The following PCDHA9 variants were observed in gnomAD, a reference collection of about 807,000 sequenced individuals.
The protein encoded by PCDHA9 is protocadherin alpha-9.
A neutral mutation model predicts 62.0 loss-of-function variants in PCDHA9; 62 were observed. The ratio of observed to expected loss-of-function variants is 1.00; its 90% CI spans 0.81 to 1.23. The LOEUF (loss-of-function observed/expected upper bound fraction) is 1.23, where lower values mean the gene tolerates loss of function less well. PCDHA9 is among the 50% of genes most tolerant of loss of function. The pLI is 0.00. For missense variants in PCDHA9, 1,205 were observed against 1,249.8 expected, an observed-to-expected ratio of 0.96 and a Z score of 0.54; for synonymous variants, 557 against 567.6, an observed-to-expected ratio of 0.98 and a Z score of 0.27.
At chr5:140,884,410 G>A (rs1562804321) in intron 1 of PCDHA9, 1 of 1,614,004 alleles carries the variant, frequency 6.2e-7, no homozygotes, top group Non-Finnish European at 8.5e-7. Context: ...TGGTGCTCAC[G>A]TTGCTGCTGT....
In PCDHA9 at chr5:140,904,839, ATCT is replaced by A. The variant is rs1480252178; in HGVS notation, c.2394+53957_2394+53959del. 4.1e-4 allele frequency among the ~76,000 whole-genome samples: 62 copies of A among 152,040 alleles called. No individual in the cohort carries two copies. The East Asian group carries it at 6.4e-3, about 16-fold the overall frequency. Reference sequence around the variant, plus strand: ...TTGAGCATTTTTTTATATGTTTCATATCTTCTTCTGAGAATTGTCTGTTTATGT... The same window carrying A: ...TTGAGCATTTTTTTATATGTTTCATATCTTCTGAGAATTGTCTGTTTATGT... On this transcript the variant is annotated intron_variant, in intron 1 of 3. Coordinates refer to ENST00000532602, the MANE Select transcript of PCDHA9 (RefSeq NM_031857.2).
intron 1 of PCDHA9, among the ~76,000 whole-genome samples, chr5:140,899,684 G>T (rs1554188704): frequency 6.6e-6 from 1 of 152,154 alleles, no homozygotes; most frequent in African/African-American, 2.4e-5. Context: ...TCAGGATGAT[G>T]CTGGCCTCAT....
chr5:140,896,687 T>G (rs782089227), intron 1 of PCDHA9, among the ~76,000 whole-genome samples: 2 of 152,170 alleles, frequency 1.3e-5, no homozygotes, highest in Non-Finnish European at 2.9e-5. Context: ...CTTTGCCCAT[T>G]TTTTGATGAG....
chr5:140,897,613 A>C (rs1252972033), intron 1 of PCDHA9, among the ~76,000 whole-genome samples: 2 of 152,052 alleles, frequency 1.3e-5, no homozygotes, highest in Non-Finnish European at 2.9e-5. Flanking sequence ...GTTGGTTCCA[A>C]GTCTTTACTA....
chr5:140,881,179 C>A (rs550594918), intron 1 of PCDHA9, among the ~76,000 whole-genome samples: 4 of 152,240 alleles, frequency 2.6e-5, no homozygotes, highest in African/African-American at 7.2e-5. Flanking sequence ...CTTTTCCTTG[C>A]TAAAGATATG....
rs1554178015 is a variant in PCDHA9 at position 140,883,392 on chromosome 5, C to A, written c.2394+32503C>A. 1.9e-6 allele frequency: 3 copies of A among 1,614,184 alleles called. No individual in the cohort carries two copies. The East Asian group carries it at 6.7e-5, about 36-fold the overall frequency. ...GCCATTATTGCCCTAATCAGTGTGT[C>A]CGATCGTGACTCTGGCTCAAATGGA... is the stretch of plus-strand genomic sequence containing the variant. On this transcript the variant is annotated intron_variant, in intron 1 of 3. Transcript: ENST00000532602.
At chr5:140,882,113 G>C in intron 1 of PCDHA9, 1 of 1,394,318 alleles carries the variant, frequency 7.2e-7, no homozygotes, top group South Asian at 1.5e-5. Context: ...GAAGAAAGCC[G>C]CCGTTTCTTT....
rs782120132 is a variant in PCDHA9, at chr5:140,884,464, C to T, written c.2394+33575C>T. On this transcript the variant is annotated intron_variant, in intron 1 of 3. Coordinates refer to ENST00000532602, the MANE Select transcript of PCDHA9 (RefSeq NM_031857.2). ...CGGCACCGCCCACCGAGGGCGCGTG[C>T]GCGCCGGGCAAGCCCACTCTAGTGT... 51 of 1,613,768 alleles carry T rather than the reference C, an allele frequency of 3.2e-5. 1 individual carries two copies. In the East Asian group the frequency reaches 9.6e-4, roughly 30 times the overall value.
intron 1 of PCDHA9, among the ~76,000 whole-genome samples, chr5:140,908,850 C>T (rs1234928966): frequency 6.6e-6 from 1 of 152,160 alleles, no homozygotes; most frequent in Non-Finnish European, 1.5e-5. Flanking sequence ...GTAACATACC[C>T]AAATGAGGAA....
intron 1 of PCDHA9, chr5:140,969,509 C>A: frequency 7.1e-7 from 1 of 1,416,136 alleles, no homozygotes; most frequent in Non-Finnish European, 9.4e-7. Context: ...AAAAATAGCA[C>A]TAAAGAATTG....
chr5:140,997,133 C>A (rs1554255761), intron 3 of PCDHA9, among the ~76,000 whole-genome samples: 3 of 152,090 alleles, frequency 2.0e-5, no homozygotes, highest in Non-Finnish European at 4.4e-5. Flanking sequence ...ACAATGCCCC[C>A]ACACCCCCGC....
intron 1 of PCDHA9, among the ~76,000 whole-genome samples, chr5:140,892,427 C>T (rs1429226685): frequency 6.6e-6 from 1 of 152,170 alleles, no homozygotes; most frequent in Admixed American, 6.5e-5. Flanking sequence ...GATAAAACCT[C>T]ATTATCTAAA....
chr5:140,863,464 C>A, intron 1 of PCDHA9: 1 of 512,348 alleles, frequency 2.0e-6, no homozygotes, highest in South Asian at 1.5e-5. Context: ...AGATTTTACT[C>A]TGGAGAGTCG....
Position 140,853,770 on chromosome 5 carries a change from A to G in PCDHA9, c.2394+2881A>G. 3 of 988,146 alleles carry G rather than the reference A, an allele frequency of 3.0e-6. No homozygotes were observed. In the South Asian group the frequency reaches 1.4e-4, roughly 47 times the overall value. 61.2% of individuals were successfully genotyped at this position (988,146 alleles called of 1,614,324 possible). On this transcript the variant is annotated intron_variant, in intron 1 of 3. Coordinates refer to ENST00000532602, the MANE Select transcript of PCDHA9 (RefSeq NM_031857.2). ...CAAGGCTCCACCTCAGAAATTCTGA[A>G]ATGGGTAGTAAGAGCAAATTTTCAT...
intron 1 of PCDHA9, chr5:140,867,501 C>G (rs2049995274): frequency 6.6e-6 from 1 of 151,954 alleles, no homozygotes. Context: ...AAAAGTAGAA[C>G]AAAATCTCAA....
intron 1 of PCDHA9, among the ~76,000 whole-genome samples, chr5:140,936,049 C>A (rs1185871662): frequency 1.3e-5 from 2 of 151,974 alleles, no homozygotes; most frequent in African/African-American, 2.4e-5. Context: ...CCCACCACCA[C>A]ACCCGGCTAA....
At chr5:140,990,284 T>C (rs2097384646) in intron 3 of PCDHA9, among the ~76,000 whole-genome samples, 1 of 152,142 alleles carries the variant, frequency 6.6e-6, no homozygotes, top group African/African-American at 2.4e-5. Flanking sequence ...GGTCTTGAGA[T>C]TATCGATGCC....
At chr5:140,988,348 A>T (rs2097293800) in intron 3 of PCDHA9, among the ~76,000 whole-genome samples, 1 of 152,116 alleles carries the variant, frequency 6.6e-6, no homozygotes, top group Admixed American at 6.6e-5. Flanking sequence ...TCCTTTTAAG[A>T]TGCACTTTTA....
At chr5:140,878,550 A>T (rs1483801784) in intron 1 of PCDHA9, among the ~76,000 whole-genome samples, 1 of 152,212 alleles carries the variant, frequency 6.6e-6, no homozygotes, top group African/African-American at 2.4e-5. Flanking sequence ...GTTTCAGATG[A>T]TCCCAAACTT....
Sources: allele counts gnomAD v4.1 joint callset (sites outside exome capture counted in the v4.1 genomes callset), GRCh38; gene constraint gnomAD v4.1.1; transcripts MANE v1.5; gene names NCBI Gene and HGNC (gene_info 2026-07-23, HGNC 2026-07-21).